Variants in GRIN2B observed in about 807,000 individuals in gnomAD.
GRIN2B encodes glutamate ionotropic receptor NMDA type subunit 2B.
In GRIN2B, 5 loss-of-function variants were observed where a neutral mutation model predicts 114.5. That is an observed-to-expected ratio of 0.04 (90% CI 0.02 to 0.09). The LOEUF (loss-of-function observed/expected upper bound fraction) is 0.09. Ranked by LOEUF, GRIN2B falls within the 10% of genes least tolerant of loss-of-function variation. The probability of loss-of-function intolerance (pLI) is 1.00; values close to 1 mark genes in which losing one functional copy is unlikely to be tolerated. For synonymous variants in GRIN2B, 787 were observed against 745.1 expected (o/e 1.06, Z -0.92); for missense variants, 1,108 against 1,943.5 (o/e 0.57, Z 8.08).
At chr12:13,860,987 C>T (rs529539419) in intron 3 of GRIN2B, among the ~76,000 whole-genome samples, 71 of 152,266 alleles carry the variant, frequency 4.7e-4, no homozygotes, top group African/African-American at 1.7e-3. Flanking sequence ...ATTTCCCTCA[C>T]CTAAAGTGTC....
At chr12:13,678,010 C>A (rs924853591) in intron 4 of GRIN2B, among the ~76,000 whole-genome samples, 3 of 152,094 alleles carry the variant, frequency 2.0e-5, no homozygotes, top group Non-Finnish European at 4.4e-5. Context: ...ATAACTTATG[C>A]ATACCCTGAG....
At chr12:13,967,360 T>G (rs1425810655) in intron 2 of GRIN2B, among the ~76,000 whole-genome samples, 3 of 152,196 alleles carry the variant, frequency 2.0e-5, no homozygotes, top group Non-Finnish European at 4.4e-5. Context: ...ACTACAAAGC[T>G]TAGAGCAAAG....
At chr12:13,708,218 TGAG>T (rs1272118470) in intron 4 of GRIN2B, among the ~76,000 whole-genome samples, 2 of 152,088 alleles carry the variant, frequency 1.3e-5, no homozygotes, top group Non-Finnish European at 2.9e-5. Flanking sequence ...GGCTGGGTAA[TGAG>T]GAGAGGCTAT....
chr12:13,668,826 A>G, intron 5 of GRIN2B, among the ~76,000 whole-genome samples: 1 of 151,774 alleles, frequency 6.6e-6, no homozygotes, highest in East Asian at 1.9e-4. Flanking sequence ...GCCACCAGGA[A>G]AGCTATGATA....
At chr12:13,663,622 C>T (rs1949946005) in intron 5 of GRIN2B, among the ~76,000 whole-genome samples, 1 of 152,130 alleles carries the variant, frequency 6.6e-6, no homozygotes, top group South Asian at 2.1e-4. Flanking sequence ...TTAAGACTCA[C>T]CTTTTAAAAA....
At chr12:13,582,353 G>A (rs954979257) in intron 10 of GRIN2B, among the ~76,000 whole-genome samples, 1 of 152,226 alleles carries the variant, frequency 6.6e-6, no homozygotes, top group Non-Finnish European at 1.5e-5. Flanking sequence ...GCAGAATGTA[G>A]TTAGAAGCTA....
intron 2 of GRIN2B, among the ~76,000 whole-genome samples, chr12:13,972,943 G>T (rs192081658): frequency 6.6e-6 from 1 of 152,328 alleles, no homozygotes; most frequent in East Asian, 1.9e-4. Flanking sequence ...TGGGGGGTGT[G>T]TGGATTTGGA....
intron 2 of GRIN2B, among the ~76,000 whole-genome samples, chr12:13,917,600 A>G (rs1866755199): frequency 6.6e-6 from 1 of 152,206 alleles, no homozygotes. Context: ...ATTTCCTGGC[A>G]TGCCATTGGA....
rs71067731 is a variant in GRIN2B at position 13,834,020 on chromosome 12, CTTTTTTTTTTTT to C, written c.411+31766_411+31777del. ...AACACAGTAGTCTCTTTGCTAACTT[CTTTTTTTTTTTT>C]TTTTTTTTTTTTTTTTGAGACGGAG... On this transcript the variant is annotated intron_variant, in intron 3 of 13. Transcript: ENST00000609686. 6.9e-5 allele frequency among the ~76,000 whole-genome samples: 5 copies of C among 72,590 alleles called. No homozygotes were observed. In the South Asian group the frequency reaches 3.3e-3, roughly 48 times the overall value. 47.6% of individuals were successfully genotyped at this position (72,590 alleles called of 152,430 possible).
intron 3 of GRIN2B, among the ~76,000 whole-genome samples, chr12:13,827,299 T>C (rs1865061501): frequency 6.7e-6 from 1 of 149,626 alleles, no homozygotes. Context: ...TTTTTATCAA[T>C]TGTTTTCACC....
intron 2 of GRIN2B, among the ~76,000 whole-genome samples, chr12:13,885,635 G>A (rs1195732904): frequency 6.6e-6 from 1 of 152,046 alleles, no homozygotes; most frequent in Non-Finnish European, 1.5e-5. Context: ...GAGAAGCACT[G>A]GTAACAAGAT....
chr12:13,637,450 C>T (rs1949676050), intron 5 of GRIN2B, among the ~76,000 whole-genome samples: 1 of 152,078 alleles, frequency 6.6e-6, no homozygotes, highest in African/African-American at 2.4e-5. Context: ...TAATTACACA[C>T]CTGTGTACAT....
chr12:13,615,072 T>G lies in GRIN2B; in HGVS notation c.1654+42A>C. 1 of 1,554,318 alleles carries G rather than the reference T, an allele frequency of 6.4e-7. No homozygotes were observed. ...CTTTTTTCCTTATTTCACTTCCCCA[T>G]CCATACGTCCATTTCCTTCCACCAG... On this transcript the variant is annotated intron_variant, in intron 8 of 13. Transcript: ENST00000609686. The surrounding 1 kb of genome is among the most constrained non-coding windows in gnomAD (Gnocchi z 5.8).
At position 13,980,322 on chromosome 12, in the gene GRIN2B, C is replaced by G. The variant is rs937975397; in HGVS notation, c.-413G>C. 4.6e-5 allele frequency: 7 copies of G among 152,054 alleles called. No homozygotes were observed. Among genetic ancestry groups the G allele is most frequent in the African/African-American group, 1.7e-4 (7 of 41,386 alleles). The allele number at this position is 152,054 out of a possible 1,614,324, so 9.4% of individuals were successfully genotyped here. Reference sequence around the variant, plus strand: ...GAAGCTGGGGGCCGGCTCCGTCCCTCGGTGGAGCATGGTCATTCCCAAAGC... The same window carrying G: ...GAAGCTGGGGGCCGGCTCCGTCCCTGGGTGGAGCATGGTCATTCCCAAAGC... On this transcript the variant is annotated 5_prime_UTR_variant, in exon 2 of 14. Coordinates refer to ENST00000609686, the MANE Select transcript of GRIN2B (RefSeq NM_000834.5).
chr12:13,575,207 C>A (rs1948759698), intron 10 of GRIN2B, among the ~76,000 whole-genome samples: 1 of 151,926 alleles, frequency 6.6e-6, no homozygotes, highest in East Asian at 1.9e-4. Context: ...AATTGGAGTT[C>A]ATAAAAATAA....
At chr12:13,697,227 C>T (rs1034773897) in intron 4 of GRIN2B, among the ~76,000 whole-genome samples, 1 of 152,044 alleles carries the variant, frequency 6.6e-6, no homozygotes, top group Non-Finnish European at 1.5e-5. Context: ...ATGGGAAAAG[C>T]CTCAATTTTC....
In GRIN2B at chr12:13,537,885, T is replaced by G. The variant is rs527552530; in HGVS notation, c.*24898A>C. 4 of 152,050 alleles carry G rather than the reference T, an allele frequency of 2.6e-5. No homozygotes were observed. In the South Asian group the frequency reaches 8.3e-4, roughly 32 times the overall value. 9.4% of individuals were successfully genotyped at this position (152,050 alleles called of 1,614,324 possible). On this transcript the variant is annotated 3_prime_UTR_variant, in exon 14 of 14. Coordinates refer to ENST00000609686, the MANE Select transcript of GRIN2B (RefSeq NM_000834.5). ...GGGTTTCAAGATAAGAAAACGGAAG[T>G]CTAGATGATTTGATGCAGGCCACAA...
At chr12:13,881,289 CA>C (rs1866069816) in intron 2 of GRIN2B, among the ~76,000 whole-genome samples, 1 of 152,152 alleles carries the variant, frequency 6.6e-6, no homozygotes, top group Non-Finnish European at 1.5e-5. Flanking sequence ...TCCACCTCAA[CA>C]CTTAATCTCT....
chr12:13,924,103 T>TG (rs1866873642), intron 2 of GRIN2B, among the ~76,000 whole-genome samples: 1 of 152,280 alleles, frequency 6.6e-6, no homozygotes, highest in Admixed American at 6.5e-5. Flanking sequence ...CCTGTGCCTC[T>TG]GGGGGGACTA....
Sources: gnomAD v4.1 joint callset for allele counts (sites outside exome capture counted in the v4.1 genomes callset) on GRCh38, gnomAD v4.1.1 for gene constraint, Gnocchi (gnomAD v3.1) non-coding constraint, MANE v1.5 for transcripts, NCBI Gene and HGNC (gene_info 2026-07-23, HGNC 2026-07-21) for gene names.